The following UIMC1 variants were observed in gnomAD, a reference collection of about 807,000 sequenced individuals.
UIMC1 encodes the protein BRCA1-A complex subunit RAP80.
Under a neutral mutation model 84.9 loss-of-function variants are expected in UIMC1, and 42 were observed. The observed-to-expected ratio is 0.49, with a 90% CI of 0.39 to 0.64. UIMC1 has a LOEUF of 0.64. Among genes scored for constraint, UIMC1 ranks in the 30% least tolerant of loss-of-function variants. The pLI is 0.00. For synonymous variants in UIMC1, 281 were observed against 293.0 expected (o/e 0.96, Z 0.42); for missense variants, 825 against 847.6 (o/e 0.97, Z 0.33).
At chr5:176,912,474 GTT>G (rs57570046) in intron 10 of UIMC1, among the ~76,000 whole-genome samples, 56 of 130,134 alleles carry the variant, frequency 4.3e-4, no homozygotes, top group African/African-American at 1.2e-3. Flanking sequence ...ACTGTTTTTT[GTT>G]TTTTTTTTTT....
chr5:176,909,951 A>G (rs1759903622), intron 11 of UIMC1, among the ~76,000 whole-genome samples: 2 of 152,190 alleles, frequency 1.3e-5, no homozygotes, highest in Admixed American at 1.3e-4. Context: ...CCTTAAATCA[A>G]CTACAGTGAG....
chr5:176,970,743 T>C lies in UIMC1; in HGVS notation c.356A>G (p.Asn119Ser), dbSNP rs1390147184. 2 of 1,614,106 alleles carry C rather than the reference T, an allele frequency of 1.2e-6. No homozygotes were observed. The highest frequency in any genetic ancestry group is 2.2e-5 in the East Asian group (1 of 44,874). The change falls in exon 4 of 15, where the codon AAT becomes AGT. Residue 119 changes from asparagine (N) to serine (S), a missense_variant and splice_region_variant. By Grantham distance (46) the Asn-to-Ser change is conservative. Transcript: ENST00000511320. ...LLRKAIAESL[N>S]SCRPSDASAT... is the part of the protein sequence containing the mutation. ...ACTTTTGCAACATGGCATATTTACATTCAGGCTTTCAGCAATGGCTTTCCT... is the reference window on the plus strand; with the variant it reads ...ACTTTTGCAACATGGCATATTTACACTCAGGCTTTCAGCAATGGCTTTCCT...
upstream of UIMC1, among the ~76,000 whole-genome samples, chr5:177,011,530 C>CTA (rs200062627): frequency 3.8e-3 from 575 of 152,172 alleles, 3 homozygotes; most frequent in African/African-American, 0.013. Context: ...CTGCAGTGAG[C>CTA]TATGATTGAG....
intron 2 of UIMC1, among the ~76,000 whole-genome samples, chr5:176,978,100 G>A (rs866338631): frequency 1.3e-5 from 2 of 151,928 alleles, no homozygotes; most frequent in African/African-American, 2.4e-5. Context: ...GGCCGGGTGC[G>A]GTGACTCACG....
intron 9 of UIMC1, among the ~76,000 whole-genome samples, chr5:176,947,951 G>C (rs1455859641): frequency 1.3e-5 from 2 of 150,136 alleles, no homozygotes; most frequent in Non-Finnish European, 3.0e-5. Flanking sequence ...CAAGAGAAAT[G>C]AACCCAGTGA....
At chr5:176,997,372 T>TTA (rs1378182581) in intron 1 of UIMC1, among the ~76,000 whole-genome samples, 1 of 151,996 alleles carries the variant, frequency 6.6e-6, no homozygotes, top group Non-Finnish European at 1.5e-5. Flanking sequence ...CAACTGCAAA[T>TTA]CTTAAAGTAC....
At chr5:176,916,708 T>C (rs1221758474) in intron 10 of UIMC1, among the ~76,000 whole-genome samples, 1 of 152,240 alleles carries the variant, frequency 6.6e-6, no homozygotes, top group Admixed American at 6.5e-5. Flanking sequence ...TTCTTCCAGA[T>C]TTATTTCTTA....
rs1490557195 is a variant in UIMC1, at chr5:176,911,152, AAAGAAAAGAAAAGAAAAGAAAAG to A, written c.1676+136_1676+158del. Among the ~76,000 whole-genome samples, 717 of 75,044 alleles carry A rather than the reference AAAGAAAAGAAAAGAAAAGAAAAG, an allele frequency of 9.6e-3. 19 individuals are homozygous for A. The highest frequency in any genetic ancestry group is 0.017 in the African/African-American group (354 of 20,764). 49.2% of individuals were successfully genotyped at this position (75,044 alleles called of 152,430 possible). A position where few individuals can be genotyped will look rare whatever the true frequency, so the allele number is the denominator to read the frequency against. On this transcript the variant is annotated intron_variant, in intron 11 of 14. Transcript: ENST00000511320. ...AAAGAAAAGAAAAGAAAAGAAAAGAAAAGAAAAGAAAAGAAAAGAAAAGAAAATTCAGGCATCCAAGCAATGAA... is the reference window on the plus strand; with the variant it reads ...AAAGAAAAGAAAAGAAAAGAAAAGAAAAAATTCAGGCATCCAAGCAATGAA...
At chr5:176,970,204 G>A (rs1184798295) in intron 4 of UIMC1, 5 of 167,226 alleles carry the variant, frequency 3.0e-5, no homozygotes, top group Admixed American at 1.2e-4. Context: ...CCCAGGAGGC[G>A]GAGTTTGCAG....
intron 9 of UIMC1, among the ~76,000 whole-genome samples, chr5:176,946,253 G>C (rs540226536): frequency 6.6e-6 from 1 of 152,098 alleles, no homozygotes; most frequent in African/African-American, 2.4e-5. Flanking sequence ...GATGCATTGC[G>C]GGCTGCTGGC....
chr5:176,923,591 C>A (rs372686696), intron 10 of UIMC1, among the ~76,000 whole-genome samples: 1 of 150,148 alleles, frequency 6.7e-6, no homozygotes, highest in Non-Finnish European at 1.5e-5. Flanking sequence ...AGGTCGGGCA[C>A]GGTGGCTCAC....
intron 2 of UIMC1, among the ~76,000 whole-genome samples, chr5:176,981,773 G>A (rs766782591): frequency 6.6e-5 from 10 of 151,952 alleles, no homozygotes; most frequent in Non-Finnish European, 1.5e-4. Context: ...AGGTGACAGA[G>A]GGAGACCCTG....
At chr5:176,905,773 G>T in intron 14 of UIMC1, 1 of 622,228 alleles carries the variant, frequency 1.6e-6, no homozygotes, top group Non-Finnish European at 2.8e-6. Flanking sequence ...GGGATAGAGA[G>T]GTACAGAAGA....
intron 1 of UIMC1, among the ~76,000 whole-genome samples, chr5:177,005,768 T>C (rs1055326627): frequency 2.6e-5 from 4 of 152,134 alleles, no homozygotes; most frequent in Admixed American, 2.0e-4. Flanking sequence ...CCGGGTGTCA[T>C]TTCTATATCT....
intron 10 of UIMC1, among the ~76,000 whole-genome samples, chr5:176,935,247 C>T (rs1763588970): frequency 6.6e-6 from 1 of 152,182 alleles, no homozygotes; most frequent in South Asian, 2.1e-4. Flanking sequence ...ACTATAACTA[C>T]ACTGAATTGC....
chr5:176,913,063 A>G (rs1049193326), intron 10 of UIMC1, among the ~76,000 whole-genome samples: 1 of 152,240 alleles, frequency 6.6e-6, no homozygotes, highest in African/African-American at 2.4e-5. Flanking sequence ...ACTGGGGACT[A>G]TATGAATACA....
At chr5:176,969,537 G>C in intron 5 of UIMC1, 64 bp downstream of exon 5, 4 of 1,526,550 alleles carry the variant, frequency 2.6e-6, no homozygotes, top group Non-Finnish European at 3.6e-6. Flanking sequence ...TCTACTCTCA[G>C]CATGAGATCC....
rs1255777339 is a variant in UIMC1, at chr5:176,917,898, G to A, written c.1598-6509C>T. 3.3e-5 allele frequency among the ~76,000 whole-genome samples: 5 copies of A among 152,320 alleles called. No individual in the cohort carries two copies. The South Asian group carries it at 6.2e-4, about 19-fold the overall frequency. On this transcript the variant is annotated intron_variant, in intron 10 of 14. Coordinates refer to ENST00000511320, the MANE Select transcript of UIMC1 (RefSeq NM_001199298.2). ...TGCTTGAACCTGGAAGGCAGAGGCA[G>A]TAGTAAGCCGAGATCATGTCATTGC...
Position 176,991,230 on chromosome 5 carries a change from C to T in UIMC1, c.-8-8607G>A, listed in dbSNP as rs370553697. ...TTCATCGTGTTAGCCAAGATGGTCT[C>T]GATCTCCTGACCTCGTGATCCACCT... On this transcript the variant is annotated intron_variant, in intron 1 of 14. Transcript: ENST00000511320. 7.4e-4 allele frequency among the ~76,000 whole-genome samples: 113 copies of T among 151,842 alleles called. 2 individuals are homozygous for T. The highest frequency in any genetic ancestry group is 6.8e-3 in the Middle Eastern group (2 of 294).
Sources: allele counts gnomAD v4.1 joint callset (sites outside exome capture counted in the v4.1 genomes callset), GRCh38; gene constraint gnomAD v4.1.1; transcripts MANE v1.5; gene names NCBI Gene and HGNC (gene_info 2026-07-23, HGNC 2026-07-21).